NSD1: variants seen among roughly 807,000 people sequenced by gnomAD.
NSD1 encodes the protein nuclear receptor binding SET domain protein 1, also known as histone-lysine N-methyltransferase, H3 lysine-36 specific.
Under a neutral mutation model 242.7 loss-of-function variants are expected in NSD1, and 26 were observed. That is an observed-to-expected ratio of 0.11 (90% CI 0.08 to 0.15). The LOEUF is 0.15. Among genes scored for constraint, NSD1 ranks in the 10% least tolerant of loss-of-function variants. The pLI is 1.00. For missense variants in NSD1, 2,495 were observed against 3,272.8 expected, an observed-to-expected ratio of 0.76 and a Z score of 5.80; for synonymous variants, 1,106 against 1,178.1, an observed-to-expected ratio of 0.94 and a Z score of 1.25.
chr5:177,266,401 G>A, intron 14 of NSD1: 1 of 652,918 alleles, frequency 1.5e-6, no homozygotes, highest in Non-Finnish European at 2.9e-6. Flanking sequence ...GCTTGTGTCC[G>A]AGCCCACATC....
chr5:177,284,672 A>G (rs1330143430), intron 20 of NSD1, among the ~76,000 whole-genome samples: 1 of 152,178 alleles, frequency 6.6e-6, no homozygotes, highest in African/African-American at 2.4e-5. Context: ...CTTACCACTA[A>G]TAGGTTTGCT....
intron 16 of NSD1, among the ~76,000 whole-genome samples, chr5:177,271,194 G>A (rs1757918802): frequency 6.6e-6 from 1 of 152,096 alleles, no homozygotes; most frequent in Admixed American, 6.5e-5. Context: ...ATACCTGCCG[G>A]GATTTTGGTA....
At chr5:177,273,312 TAAAAAA>T (rs11452158) in intron 16 of NSD1, among the ~76,000 whole-genome samples, 42 of 90,890 alleles carry the variant, frequency 4.6e-4, no homozygotes, top group Middle Eastern at 6.0e-3. Context: ...ACTGATGAGC[TAAAAAA>T]AAAAAAAAAA....
At chr5:177,162,715 C>G (rs931639974) in intron 2 of NSD1, among the ~76,000 whole-genome samples, 4 of 152,040 alleles carry the variant, frequency 2.6e-5, no homozygotes, top group Non-Finnish European at 5.9e-5. Context: ...GTCTTACTCT[C>G]TGTCATGCAG....
chr5:177,279,808 G>A lies in NSD1; in HGVS notation c.5623-757G>A, dbSNP rs1010014908. ...ATTTTTTTGTATTTTGAGTAGAGAC[G>A]GGGTTTCACCGTGTTAGCCAGGATG... On this transcript the variant is annotated intron_variant, in intron 17 of 22. Coordinates refer to ENST00000439151, the MANE Select transcript of NSD1 (RefSeq NM_022455.5). Among the ~76,000 whole-genome samples the A allele has an allele frequency of 1.3e-4, 19 of 150,322 alleles. 1 individual carries two copies. The highest frequency in any genetic ancestry group is 4.1e-4 in the African/African-American group (17 of 41,056).
At chr5:177,215,091 G>A (rs984107020) in intron 5 of NSD1, among the ~76,000 whole-genome samples, 11 of 151,962 alleles carry the variant, frequency 7.2e-5, no homozygotes, top group Admixed American at 2.6e-4. Context: ...ATTGGTTGAT[G>A]GACATTTAGA....
chr5:177,171,426 A>G (rs1759701399), intron 2 of NSD1, among the ~76,000 whole-genome samples: 1 of 152,162 alleles, frequency 6.6e-6, no homozygotes, highest in Non-Finnish European at 1.5e-5. Flanking sequence ...TGAGACTCAT[A>G]TGAATGAAAT....
intron 5 of NSD1, among the ~76,000 whole-genome samples, chr5:177,225,581 C>G (rs904412871): frequency 8.5e-5 from 13 of 152,076 alleles, no homozygotes; most frequent in Admixed American, 4.6e-4. Context: ...ACATCCTTTA[C>G]TTTCACCGCC....
chr5:177,294,431 G>A lies in NSD1; in HGVS notation c.7063G>A (p.Gly2355Arg), dbSNP rs768058375. ...GTCCCAACCACTGGAAAGACCTCTG[G>A]GGACGGCTGACCCAAGGCTGGATAA... is the stretch of plus-strand genomic sequence containing the variant. Reference protein sequence around the residue: ...VRSQPLERPLGTADPRLDKSI... With the variant: ...VRSQPLERPLRTADPRLDKSI... Residue 2355 changes from glycine to arginine, a missense_variant, in exon 23 of 23, where the codon GGG becomes AGG. Physicochemically the swap from Gly to Arg is moderately radical, Grantham distance 125. Coordinates refer to ENST00000439151, the MANE Select transcript of NSD1 (RefSeq NM_022455.5). 1 of 1,614,152 alleles carries A rather than the reference G, an allele frequency of 6.2e-7. No individual in the cohort carries two copies. Among genetic ancestry groups the A allele is most frequent in the African/African-American group, 1.3e-5 (1 of 75,010 alleles).
At chr5:177,224,851 C>G (rs545508378) in intron 5 of NSD1, among the ~76,000 whole-genome samples, 1 of 151,658 alleles carries the variant, frequency 6.6e-6, no homozygotes, top group Non-Finnish European at 1.5e-5. Flanking sequence ...TTAGAATGTT[C>G]TCTTTTATAC....
chr5:177,152,566 G>T lies in NSD1; in HGVS notation c.927+16536G>T, dbSNP rs544385552. Among the ~76,000 whole-genome samples, 68 of 143,386 alleles carry T rather than the reference G, an allele frequency of 4.7e-4. 2 individuals carry two copies. The East Asian group carries it at 0.014, about 29-fold the overall frequency. The allele number at this position is 143,386 out of a possible 152,430, so 94.1% of individuals were successfully genotyped here. A position where few individuals can be genotyped will look rare whatever the true frequency, so the allele number is the denominator to read the frequency against. ...GCTCCCGGGTTCACGCCATTCTCCT[G>T]CCTCAGCCTCCCAAGTAGCTGGGAC... On this transcript the variant is annotated intron_variant, in intron 2 of 22. Transcript: ENST00000439151.
intron 2 of NSD1, among the ~76,000 whole-genome samples, chr5:177,157,688 A>G (rs1186591068): frequency 6.6e-6 from 1 of 152,190 alleles, no homozygotes; most frequent in African/African-American, 2.4e-5. Flanking sequence ...GTAGAGTTGA[A>G]CAACTGTTAC....
At chr5:177,251,325 G>A (rs1012035056) in intron 11 of NSD1, among the ~76,000 whole-genome samples, 1 of 152,158 alleles carries the variant, frequency 6.6e-6, no homozygotes, top group African/African-American at 2.4e-5. Flanking sequence ...TCTCTGGGAT[G>A]GTTGTAGGTA....
intron 2 of NSD1, among the ~76,000 whole-genome samples, chr5:177,183,166 T>A (rs1411424142): frequency 6.6e-6 from 1 of 152,200 alleles, no homozygotes; most frequent in African/African-American, 2.4e-5. Context: ...CTTTTAGCAC[T>A]ATATATTTTT....
chr5:177,207,227 C>T (rs929294577), intron 4 of NSD1, among the ~76,000 whole-genome samples: 2 of 151,938 alleles, frequency 1.3e-5, no homozygotes, highest in Admixed American at 6.6e-5. Context: ...GGATTACAGG[C>T]GTGAGCCACT....
chr5:177,238,329 C>T lies in NSD1; in HGVS notation c.4014C>T (p.Thr1338=), dbSNP rs1296843817. Residue 1338 remains threonine (T), a synonymous_variant, in exon 7 of 23, where the codon ACC becomes ACT. Transcript: ENST00000439151. This position sits in a 1 kb window ranked among gnomAD's most constrained non-coding sequence, Gnocchi z 4.6. ...KQVDENSLIS[T]KEEPPVLERE... ...TGGACGAGAATTCTTTGATTTCAAC[C>T]AAAGAAGAGCCTCCAGTTCTTGAAA... 5 of 1,614,028 alleles carry T rather than the reference C, an allele frequency of 3.1e-6. No homozygotes were observed. The South Asian group carries it at 4.4e-5, about 14-fold the overall frequency.
intron 4 of NSD1, 70 bp downstream of exon 4, chr5:177,204,362 A>T (rs1762724602): frequency 1.4e-6 from 2 of 1,427,704 alleles, no homozygotes; most frequent in African/African-American, 1.4e-5. Flanking sequence ...ATGGCCTCTT[A>T]TTTATTTTCG....
At chr5:177,205,803 CT>C (rs1762824823) in intron 4 of NSD1, among the ~76,000 whole-genome samples, 1 of 151,834 alleles carries the variant, frequency 6.6e-6, no homozygotes, top group African/African-American at 2.4e-5. Context: ...TTATACTCCC[CT>C]GGGTCTAAAT....
chr5:177,284,065 G>C, intron 20 of NSD1, 137 bp downstream of exon 20: 1 of 1,118,422 alleles, frequency 8.9e-7, no homozygotes, highest in Non-Finnish European at 1.3e-6. Context: ...TTACATTTTT[G>C]TGCAACCATC....
Sources: allele counts gnomAD v4.1 joint callset (sites outside exome capture counted in the v4.1 genomes callset), GRCh38; gene constraint gnomAD v4.1.1; non-coding constraint Gnocchi (gnomAD v3.1); transcripts MANE v1.5; gene names NCBI Gene and HGNC (gene_info 2026-07-23, HGNC 2026-07-21).